DNM2: variants seen among roughly 807,000 people sequenced by gnomAD.
The protein encoded by DNM2 is dynamin-2.
In DNM2, 15 loss-of-function variants were observed where a neutral mutation model predicts 99.0. The ratio of observed to expected loss-of-function variants is 0.15; its 90% CI spans 0.10 to 0.23. DNM2 has a LOEUF of 0.23. DNM2 is among the 10% of genes least tolerant of loss of function. The pLI is 1.00. For missense variants in DNM2, 742 were observed against 1,189.4 expected, an observed-to-expected ratio of 0.62 and a Z score of 5.53; for synonymous variants, 525 against 481.2, an observed-to-expected ratio of 1.09 and a Z score of -1.19.
rs902222627 is a variant in DNM2, at chr19:10,795,066, G to A, written c.1129-306G>A. 2.6e-5 allele frequency among the ~76,000 whole-genome samples: 4 copies of A among 152,096 alleles called. No homozygotes were observed. The highest frequency in any genetic ancestry group is 4.4e-5 in the Non-Finnish European group (3 of 67,996). ...CTCCCGAGTAGCTGGGACTATAGGCGTGCACCAGCCCACCTGGCCAATTTT... is the reference window on the plus strand; with the variant it reads ...CTCCCGAGTAGCTGGGACTATAGGCATGCACCAGCCCACCTGGCCAATTTT... On this transcript the variant is annotated intron_variant, in intron 8 of 20. Coordinates refer to ENST00000389253, the MANE Select transcript of DNM2 (RefSeq NM_001005361.3). This position sits in a 1 kb window ranked among gnomAD's most constrained non-coding sequence, Gnocchi z 4.2.
chr19:10,793,562 A>T (rs974725771), intron 7 of DNM2, among the ~76,000 whole-genome samples, 158 bp from the exon 8 acceptor site: 4 of 152,174 alleles, frequency 2.6e-5, no homozygotes, highest in African/African-American at 9.7e-5. Flanking sequence ...TGCCATTGGG[A>T]GCTCTTGAAT....
chr19:10,772,442 C>T lies in DNM2; in HGVS notation c.236-37C>T, dbSNP rs752663716. The T allele has an allele frequency of 4.3e-6, 7 of 1,612,792 alleles. No individual in the cohort carries two copies. In the South Asian group the frequency reaches 7.7e-5, roughly 18 times the overall value. On this transcript the variant is annotated intron_variant, in intron 2 of 20. Transcript: ENST00000389253. The surrounding 1 kb of genome is among the most constrained non-coding windows in gnomAD (Gnocchi z 4.9). ...CAGTCCATGCGCACCCTGCCCACAG[C>T]TCTTTCTCATTTTCAGCATCTCTCT...
In DNM2 at chr19:10,795,651, G is replaced by A; in HGVS notation, c.1196+212G>A. 1 of 610,588 alleles carries A rather than the reference G, an allele frequency of 1.6e-6. No homozygotes were observed. Among genetic ancestry groups the A allele is most frequent in the Non-Finnish European group, 2.9e-6 (1 of 343,218 alleles). The allele number at this position is 610,588 out of a possible 1,614,324, so 37.8% of individuals were successfully genotyped here. A position where few individuals can be genotyped will look rare whatever the true frequency, so the allele number is the denominator to read the frequency against. On this transcript the variant is annotated intron_variant, in intron 9 of 20. Coordinates refer to ENST00000389253, the MANE Select transcript of DNM2 (RefSeq NM_001005361.3). The surrounding 1 kb of genome is among the most constrained non-coding windows in gnomAD (Gnocchi z 4.2). ...TCCTGCGTCCATTGCAGGCTTCAGG[G>A]CTGTCTGCAGCTCCTGATCAAATAG...
In DNM2 at chr19:10,765,084, C is replaced by T. The variant is rs781390648; in HGVS notation, c.235+5273C>T. On this transcript the variant is annotated intron_variant, in intron 2 of 20. Coordinates refer to ENST00000389253, the MANE Select transcript of DNM2 (RefSeq NM_001005361.3). This position sits in a 1 kb window ranked among gnomAD's most constrained non-coding sequence, Gnocchi z 4.4. Reference sequence around the variant, plus strand: ...ACCATGCTCCTGTCTCAGCCTCCGGCGTAGCTGGGACTACAGGCGCCCGCC... The same window carrying T: ...ACCATGCTCCTGTCTCAGCCTCCGGTGTAGCTGGGACTACAGGCGCCCGCC... 7.2e-5 allele frequency among the ~76,000 whole-genome samples: 11 copies of T among 151,876 alleles called. No homozygotes were observed. The highest frequency in any genetic ancestry group is 2.0e-4 in the Admixed American group (3 of 15,246).
intron 1 of DNM2, among the ~76,000 whole-genome samples, chr19:10,737,548 C>T (rs11669103): frequency 0.044 from 6,619 of 152,104 alleles, 182 homozygotes; most frequent in African/African-American, 0.066. Context: ...AGTGGAGTGG[C>T]GATCTTGGCT....
In DNM2 at chr19:10,784,819, A is replaced by ATTTTTTTTT. The variant is rs35575438; in HGVS notation, c.849+1713_849+1721dup. ...GTATTTATTTTTTATTTTTTTGATG[A>ATTTTTTTTT]TTTTTTTTTTTTTTTTTTTTTTGAG... is the stretch of plus-strand genomic sequence containing the variant. On this transcript the variant is annotated intron_variant, in intron 6 of 20. Coordinates refer to ENST00000389253, the MANE Select transcript of DNM2 (RefSeq NM_001005361.3). Among the ~76,000 whole-genome samples the ATTTTTTTTT allele has an allele frequency of 1.1e-4, 11 of 99,440 alleles. 1 individual carries two copies. Among genetic ancestry groups the ATTTTTTTTT allele is most frequent in the African/African-American group, 1.2e-4 (3 of 24,702 alleles). 65.2% of individuals were successfully genotyped at this position (99,440 alleles called of 152,430 possible).
Position 10,817,801 on chromosome 19 carries a change from G to A in DNM2, c.1672-2179G>A, listed in dbSNP as rs538283820. Among the ~76,000 whole-genome samples, 18 of 133,766 alleles carry A rather than the reference G, an allele frequency of 1.3e-4. No homozygotes were observed. The highest frequency in any genetic ancestry group is 1.3e-3 in the East Asian group (6 of 4,460). 87.8% of individuals were successfully genotyped at this position (133,766 alleles called of 152,430 possible). ...GTGGGGAGGAGGGGCGCACACACACGTGTGTGTGTGTGTGTGCGCGCGCGC... is the reference window on the plus strand; with the variant it reads ...GTGGGGAGGAGGGGCGCACACACACATGTGTGTGTGTGTGTGCGCGCGCGC... On this transcript the variant is annotated intron_variant, in intron 15 of 20. Coordinates refer to ENST00000389253, the MANE Select transcript of DNM2 (RefSeq NM_001005361.3). The surrounding 1 kb of genome is among the most constrained non-coding windows in gnomAD (Gnocchi z 4.6).
chr19:10,808,458 G>T (rs2072429590), intron 13 of DNM2, 111 bp from the exon 14 acceptor site: 10 of 1,250,326 alleles, frequency 8.0e-6, no homozygotes, highest in Non-Finnish European at 1.1e-5. Flanking sequence ...CTCTTCTCCT[G>T]TTTTTGTGCT....
chr19:10,797,276 G>C (rs956063330), intron 9 of DNM2, 104 bp from the exon 10 acceptor site: 4 of 1,519,356 alleles, frequency 2.6e-6, no homozygotes, highest in Non-Finnish European at 3.6e-6. Flanking sequence ...GGACTAATCA[G>C]ATGACTCTCG....
chr19:10,792,672 A>G (rs561052630), intron 7 of DNM2, among the ~76,000 whole-genome samples: 2 of 151,942 alleles, frequency 1.3e-5, no homozygotes, highest in Admixed American at 1.3e-4. Context: ...CAGTGGTGCG[A>G]TCTCGGCTCA....
intron 5 of DNM2, among the ~76,000 whole-genome samples, chr19:10,780,007 G>A (rs1228166387): frequency 1.3e-5 from 2 of 152,062 alleles, no homozygotes; most frequent in Non-Finnish European, 2.9e-5. Flanking sequence ...ACTCTAAGCT[G>A]CGGGCACCTC....
chr19:10,823,705 C>A, intron 16 of DNM2, 83 bp from the exon 17 acceptor site: 2 of 1,386,924 alleles, frequency 1.4e-6, no homozygotes, highest in East Asian at 2.3e-5. Context: ...GTCAGAAAGA[C>A]CCCTAGAGCC....
In DNM2 at chr19:10,797,532, T is replaced by C. The variant is rs375329682; in HGVS notation, c.1335+14T>C. 1 of 1,612,968 alleles carries C rather than the reference T, an allele frequency of 6.2e-7. No homozygotes were observed. The highest frequency in any genetic ancestry group is 1.3e-5 in the African/African-American group (1 of 74,832). The stretch of plus-strand genomic sequence containing the variant: ...TGTGCCGAGAAGGTAACAGGTTTTG[T>C]TCTCATCTCCGCATTTGTCCCCGTC... On this transcript the variant is annotated intron_variant, in intron 10 of 20. Coordinates refer to ENST00000389253, the MANE Select transcript of DNM2 (RefSeq NM_001005361.3).
At chr19:10,821,175 C>T (rs373758501) in intron 16 of DNM2, among the ~76,000 whole-genome samples, 4 of 152,012 alleles carry the variant, frequency 2.6e-5, no homozygotes, top group South Asian at 2.1e-4. Context: ...GCCTAAAGCT[C>T]GAGACCCATT....
At chr19:10,761,466 C>A (rs2070631609) in intron 2 of DNM2, among the ~76,000 whole-genome samples, 1 of 152,128 alleles carries the variant, frequency 6.6e-6, no homozygotes, top group African/African-American at 2.4e-5. Context: ...CCTCGGGCCT[C>A]CTTGGGAAGG....
At chr19:10,719,929 TCTC>T (rs1229493561) in intron 1 of DNM2, among the ~76,000 whole-genome samples, 1 of 152,128 alleles carries the variant, frequency 6.6e-6, no homozygotes, top group Non-Finnish European at 1.5e-5. Context: ...GCAGCACAAA[TCTC>T]CTCTTTTGCT....
intron 17 of DNM2, chr19:10,824,230 G>A (rs1050554170): frequency 5.5e-6 from 2 of 363,580 alleles, no homozygotes; most frequent in Non-Finnish European, 1.1e-5. Flanking sequence ...GGGCACGGTG[G>A]GTGGTTCGCC....
chr19:10,827,190 C>T (rs2146197234), intron 18 of DNM2, among the ~76,000 whole-genome samples: 1 of 152,254 alleles, frequency 6.6e-6, no homozygotes, highest in South Asian at 2.1e-4. Flanking sequence ...TGGTATGTTT[C>T]CTCATATACC....
intron 1 of DNM2, among the ~76,000 whole-genome samples, chr19:10,728,361 G>A (rs1428059662): frequency 6.6e-6 from 1 of 152,202 alleles, no homozygotes; most frequent in Non-Finnish European, 1.5e-5. Context: ...GGACAGAGGA[G>A]TTGGAGCTTG....
Sources: gnomAD v4.1 joint callset for allele counts (sites outside exome capture counted in the v4.1 genomes callset) on GRCh38, gnomAD v4.1.1 for gene constraint, Gnocchi (gnomAD v3.1) non-coding constraint, MANE v1.5 for transcripts, NCBI Gene and HGNC (gene_info 2026-07-23, HGNC 2026-07-21) for gene names.